The following RHOH variants were observed in gnomAD, a reference collection of about 807,000 sequenced individuals.
RHOH encodes the protein rho-related GTP-binding protein RhoH.
Under a neutral mutation model 13.8 loss-of-function variants are expected in RHOH, and 6 were observed. The observed-to-expected ratio is 0.44, with a 90% CI of 0.24 to 0.86. The LOEUF (loss-of-function observed/expected upper bound fraction) is 0.86. RHOH is among the 40% of genes least tolerant of loss of function. The probability of loss-of-function intolerance (pLI) is 0.24; values close to 1 mark genes in which losing one functional copy is unlikely to be tolerated. For synonymous variants in RHOH, 117 were observed against 103.0 expected (o/e 1.14, Z -0.82); for missense variants, 147 against 244.5 (o/e 0.60, Z 2.66).
intron 1 of RHOH, among the ~76,000 whole-genome samples, chr4:40,213,361 T>TCTC (rs372394517): frequency 7.3e-5 from 4 of 54,544 alleles, no homozygotes; most frequent in East Asian, 5.7e-4. Context: ...CTCGTTTCTC[T>TCTC]TTTTTTTTTT....
chr4:40,235,605 A>G (rs55919921), intron 1 of RHOH, among the ~76,000 whole-genome samples: 9,870 of 147,326 alleles, frequency 0.067, 439 homozygotes, highest in African/African-American at 0.086. Context: ...AAAAAAAAAA[A>G]AAAGAAAAAA....
At chr4:40,203,168 T>G (rs920569045) in intron 1 of RHOH, among the ~76,000 whole-genome samples, 92 of 152,236 alleles carry the variant, frequency 6.0e-4, no homozygotes, top group African/African-American at 2.0e-3. Context: ...GAGACGGAGT[T>G]TCACCGTGTT....
intron 1 of RHOH, among the ~76,000 whole-genome samples, chr4:40,210,397 T>G (rs971602425): frequency 1.3e-5 from 2 of 152,184 alleles, no homozygotes; most frequent in Admixed American, 1.3e-4. Flanking sequence ...GCACGATGAT[T>G]GCTGCAGCTT....
At chr4:40,194,805 C>T (rs556760020), upstream of RHOH, among the ~76,000 whole-genome samples, 9 of 152,180 alleles carry the variant, frequency 5.9e-5, no homozygotes, top group Non-Finnish European at 1.0e-4. Context: ...GTAAACTCTT[C>T]GGTGAGATGC....
At chr4:40,235,391 AC>A (rs1341402733) in intron 1 of RHOH, 4 of 151,762 alleles carry the variant, frequency 2.6e-5, no homozygotes, top group African/African-American at 7.3e-5. Flanking sequence ...GGAGTTTGAG[AC>A]CAGCCTGGCC....
intron 1 of RHOH, among the ~76,000 whole-genome samples, chr4:40,197,999 A>C (rs1560678338): frequency 6.6e-6 from 1 of 152,310 alleles, no homozygotes; most frequent in African/African-American, 2.4e-5. Flanking sequence ...GTGTCCCCTT[A>C]TTGGTTCTAA....
At chr4:40,212,317 C>T (rs1044149801) in intron 1 of RHOH, among the ~76,000 whole-genome samples, 9 of 152,128 alleles carry the variant, frequency 5.9e-5, no homozygotes, top group Admixed American at 4.6e-4. Context: ...AGAATATTGC[C>T]AGCCTATCGT....
At position 40,225,587 on chromosome 4, in the gene RHOH, T is replaced by C. The variant is rs530926296; in HGVS notation, c.-330-17127T>C. On this transcript the variant is annotated intron_variant, in intron 1 of 2. Transcript: ENST00000381799. ...AGGACGCCGCTGGATTCTGTTCAAG[T>C]GCGCTCTGCAAAGATGGTGGTCTTC... Among the ~76,000 whole-genome samples, 13 of 152,294 alleles carry C rather than the reference T, an allele frequency of 8.5e-5. 1 individual carries two copies. In the Middle Eastern group the frequency reaches 0.024, roughly 279 times the overall value.
chr4:40,222,940 C>T (rs952444279), intron 1 of RHOH, among the ~76,000 whole-genome samples: 6 of 152,150 alleles, frequency 3.9e-5, no homozygotes, highest in African/African-American at 1.4e-4. Flanking sequence ...TGATTCCAAG[C>T]CTCATGACTG....
chr4:40,197,810 C>T (rs555649074), intron 1 of RHOH, among the ~76,000 whole-genome samples: 1 of 152,128 alleles, frequency 6.6e-6, no homozygotes, highest in African/African-American at 2.4e-5. Context: ...TGATGTATAA[C>T]ATGTATTTTT....
chr4:40,195,606 G>A (rs1723061179), upstream of RHOH, among the ~76,000 whole-genome samples: 1 of 152,024 alleles, frequency 6.6e-6, no homozygotes. Flanking sequence ...GACTACAGGT[G>A]TGGTTGCCCA....
At chr4:40,216,326 G>A (rs376092000) in intron 1 of RHOH, among the ~76,000 whole-genome samples, 5 of 151,766 alleles carry the variant, frequency 3.3e-5, no homozygotes, top group East Asian at 1.9e-4. Context: ...AAAACTAGCC[G>A]GGCGTGGTGG....
chr4:40,235,859 G>C (rs1728504971), intron 1 of RHOH, among the ~76,000 whole-genome samples: 1 of 152,000 alleles, frequency 6.6e-6, no homozygotes, highest in Non-Finnish European at 1.5e-5. Context: ...GCACGCAACT[G>C]TAGTCCCAGC....
At chr4:40,221,670 G>A (rs1392602488) in intron 1 of RHOH, among the ~76,000 whole-genome samples, 1 of 151,832 alleles carries the variant, frequency 6.6e-6, no homozygotes, top group East Asian at 1.9e-4. Flanking sequence ...CCTCCCTTTG[G>A]GCCTCCCTAT....
At chr4:40,199,646 G>C (rs1402212953) in intron 1 of RHOH, among the ~76,000 whole-genome samples, 1 of 152,176 alleles carries the variant, frequency 6.6e-6, no homozygotes, top group African/African-American at 2.4e-5. Context: ...CTTTTCATTA[G>C]AGGCAGAGAG....
chr4:40,192,704 T>A (rs1722753281), upstream of RHOH, among the ~76,000 whole-genome samples: 1 of 152,182 alleles, frequency 6.6e-6, no homozygotes, highest in African/African-American at 2.4e-5. Context: ...GTCTTTGCTT[T>A]TTCACCTTGA....
upstream of RHOH, among the ~76,000 whole-genome samples, chr4:40,195,751 C>A (rs1241361708): frequency 6.6e-6 from 1 of 151,982 alleles, no homozygotes; most frequent in Non-Finnish European, 1.5e-5. Flanking sequence ...TGCACCTGGC[C>A]TCCCACAGAG....
At chr4:40,198,952 C>T (rs1463491389) in intron 1 of RHOH, among the ~76,000 whole-genome samples, 1 of 152,016 alleles carries the variant, frequency 6.6e-6, no homozygotes, top group Admixed American at 6.6e-5. Context: ...CATAAAATAT[C>T]TGAACCCATA....
At chr4:40,201,135 A>G (rs768898395) in intron 1 of RHOH, among the ~76,000 whole-genome samples, 13 of 152,238 alleles carry the variant, frequency 8.5e-5, no homozygotes, top group Non-Finnish European at 1.8e-4. Flanking sequence ...CGTTAAGTAA[A>G]TAAATGATTG....
Sources: allele counts gnomAD v4.1 joint callset (sites outside exome capture counted in the v4.1 genomes callset), GRCh38; gene constraint gnomAD v4.1.1; transcripts MANE v1.5; gene names NCBI Gene and HGNC (gene_info 2026-07-23, HGNC 2026-07-21).